Variants in TUNAR observed in about 807,000 individuals in gnomAD.
TUNAR encodes protein TUNAR.
At chr14:95,882,780 C>T (rs1268388803) in intron 2 of TUNAR, among the ~76,000 whole-genome samples, 4 of 152,148 alleles carry the variant, frequency 2.6e-5, no homozygotes, top group African/African-American at 9.7e-5. Context: ...CATTTCTCCG[C>T]CTCTATCTGC....
chr14:95,896,171 C>T (rs1023230824), intron 2 of TUNAR, among the ~76,000 whole-genome samples: 4 of 152,224 alleles, frequency 2.6e-5, no homozygotes, highest in Non-Finnish European at 4.4e-5. Flanking sequence ...CTCACTGCAC[C>T]TACCCACCTG....
At chr14:95,881,027 A>G (rs1407685383) in intron 2 of TUNAR, among the ~76,000 whole-genome samples, 1 of 152,148 alleles carries the variant, frequency 6.6e-6, no homozygotes, top group Non-Finnish European at 1.5e-5. Flanking sequence ...TGGGGTTTAA[A>G]TCAACCCGTG....
intron 2 of TUNAR, among the ~76,000 whole-genome samples, chr14:95,894,078 G>C (rs1403040171): frequency 6.6e-6 from 1 of 152,256 alleles, no homozygotes; most frequent in East Asian, 1.9e-4. Context: ...CAGATTTCCA[G>C]AAGAGGGAAG....
intron 2 of TUNAR, among the ~76,000 whole-genome samples, chr14:95,883,722 A>ACCCC (rs144578165): frequency 6.6e-5 from 10 of 150,892 alleles, no homozygotes; most frequent in Non-Finnish European, 1.2e-4. Flanking sequence ...GGGCCAAGCC[A>ACCCC]CCCCCCCGCC....
chr14:95,897,338 G>A (rs1889284698), intron 2 of TUNAR, among the ~76,000 whole-genome samples: 1 of 152,184 alleles, frequency 6.6e-6, no homozygotes, highest in African/African-American at 2.4e-5. Flanking sequence ...GCTTGTTAAA[G>A]TGCTTCTCTC....
At chr14:95,921,080 A>G (rs1396306145) in intron 2 of TUNAR, among the ~76,000 whole-genome samples, 1 of 152,180 alleles carries the variant, frequency 6.6e-6, no homozygotes, top group East Asian at 1.9e-4. Flanking sequence ...GAAGGCAGGC[A>G]GGCAGGAGGA....
chr14:95,903,529 T>C (rs943271792), intron 2 of TUNAR, among the ~76,000 whole-genome samples: 5 of 152,248 alleles, frequency 3.3e-5, no homozygotes, highest in Non-Finnish European at 5.9e-5. Flanking sequence ...CTCAGTTACC[T>C]GTGGAATTAT....
At chr14:95,910,046 G>A (rs78831387) in intron 2 of TUNAR, among the ~76,000 whole-genome samples, 2,204 of 152,262 alleles carry the variant, frequency 0.014, 66 homozygotes, top group African/African-American at 0.05. Context: ...TGTTGGCTGC[G>A]TGATTTAAAT....
intron 2 of TUNAR, among the ~76,000 whole-genome samples, chr14:95,913,945 A>C (rs1196654399): frequency 1.3e-5 from 2 of 152,184 alleles, no homozygotes; most frequent in Non-Finnish European, 2.9e-5. Context: ...GTTGGTCAGG[A>C]TGATCTCGAT....
Position 95,906,927 on chromosome 14 carries a change from T to C in TUNAR, c.13-15854T>C, listed in dbSNP as rs114319178. On this transcript the variant is annotated intron_variant, in intron 2 of 2. Coordinates refer to ENST00000678517, the Ensembl canonical transcript of TUNAR. ...TCTTCCACCACCTCTAGGGAACCAG[T>C]CTCTTTAATTTCTAGTTTACCCTTC... Among the ~76,000 whole-genome samples, 336 of 152,292 alleles carry C rather than the reference T, an allele frequency of 2.2e-3. 2 individuals carry two copies. Among genetic ancestry groups the C allele is most frequent in the African/African-American group, 7.8e-3 (324 of 41,558 alleles).
chr14:95,916,646 C>A (rs1248840855), intron 2 of TUNAR, among the ~76,000 whole-genome samples: 1 of 152,166 alleles, frequency 6.6e-6, no homozygotes, highest in Admixed American at 6.5e-5. Flanking sequence ...CTCAAGGTGG[C>A]ATGGCTGGGT....
At chr14:95,876,586 G>C (rs928280210) in exon 1 of TUNAR, 1 of 152,658 alleles carries the variant, frequency 6.6e-6, no homozygotes, top group African/African-American at 2.4e-5. Context: ...CGCCGCTGCG[G>C]TCGCGGTCGC....
intron 1 of TUNAR, chr14:95,876,623 G>A (rs1037520134): frequency 2.6e-5 from 4 of 152,772 alleles, no homozygotes; most frequent in Non-Finnish European, 5.8e-5. Flanking sequence ...TCTGGGGCTT[G>A]GGGCAGGAAG....
chr14:95,880,597 G>A (rs1007390794), intron 2 of TUNAR, among the ~76,000 whole-genome samples: 1 of 152,210 alleles, frequency 6.6e-6, no homozygotes, highest in African/African-American at 2.4e-5. Flanking sequence ...TGGAGATTCC[G>A]CCTCAATCTC....
intron 2 of TUNAR, among the ~76,000 whole-genome samples, chr14:95,886,791 C>T (rs1889084919): frequency 6.6e-6 from 1 of 152,210 alleles, no homozygotes; most frequent in South Asian, 2.1e-4. Flanking sequence ...TGCCCAGTGC[C>T]CATTGCTGGC....
In TUNAR at chr14:95,895,601, G is replaced by A. The variant is rs1889250375; in HGVS notation, c.12+18424G>A. On this transcript the variant is annotated intron_variant, in intron 2 of 2. Transcript: ENST00000678517. This position sits in a 1 kb window ranked among gnomAD's most constrained non-coding sequence, Gnocchi z 4.5. ...TCGCTCAGCCTCACATTGCTACAAA[G>A]TGGGAATTTTACCAATGATTTAAAG... is the stretch of plus-strand genomic sequence containing the variant. Among the ~76,000 whole-genome samples the A allele has an allele frequency of 6.6e-6, 1 of 152,206 alleles. No homozygotes were observed. Among genetic ancestry groups the A allele is most frequent in the African/African-American group, 2.4e-5 (1 of 41,446 alleles).
chr14:95,920,457 GC>G (rs1326936968), intron 2 of TUNAR, among the ~76,000 whole-genome samples: 6 of 152,138 alleles, frequency 3.9e-5, no homozygotes, highest in Non-Finnish European at 8.8e-5. Context: ...CCAACTAGAA[GC>G]TTTCCCTAGC....
chr14:95,881,152 G>A (rs1028354437), intron 2 of TUNAR, among the ~76,000 whole-genome samples: 18 of 152,168 alleles, frequency 1.2e-4, no homozygotes, highest in African/African-American at 4.1e-4. Context: ...ATGATTTGAC[G>A]TAAGTAGCAT....
At position 95,895,060 on chromosome 14, in the gene TUNAR, G is replaced by A. The variant is rs1889240971; in HGVS notation, c.12+17883G>A. On this transcript the variant is annotated intron_variant, in intron 2 of 2. Coordinates refer to ENST00000678517, the Ensembl canonical transcript of TUNAR. The surrounding 1 kb of genome is among the most constrained non-coding windows in gnomAD (Gnocchi z 4.5). ...GGCAGGGAGTCAAGCCAGACAGCCA[G>A]CATCTCCAGAGAATAGTGACAGATG... Among the ~76,000 whole-genome samples the A allele has an allele frequency of 6.6e-6, 1 of 152,360 alleles. No homozygotes were observed. Among genetic ancestry groups the A allele is most frequent in the Non-Finnish European group, 1.5e-5 (1 of 68,030 alleles).
Sources: gnomAD v4.1 joint callset for allele counts (sites outside exome capture counted in the v4.1 genomes callset) on GRCh38, gnomAD v4.1.1 for gene constraint, Gnocchi (gnomAD v3.1) non-coding constraint, MANE v1.5 for transcripts, NCBI Gene and HGNC (gene_info 2026-07-23, HGNC 2026-07-21) for gene names.